The following INO80D variants were observed in gnomAD, a reference collection of about 807,000 sequenced individuals.
The protein encoded by INO80D is INO80 complex subunit D.
In INO80D, 21 loss-of-function variants were observed where a neutral mutation model predicts 87.6. That is an observed-to-expected ratio of 0.24 (90% CI 0.17 to 0.35). The LOEUF is 0.35. Ranked by LOEUF, INO80D falls within the 10% of genes least tolerant of loss-of-function variation. INO80D has a pLI of 1.00. For synonymous variants in INO80D, 440 were observed against 491.0 expected (o/e 0.90, Z 1.37); for missense variants, 982 against 1,280.7 (o/e 0.77, Z 3.56).
chr2:206,004,482 A>G lies in INO80D; in HGVS notation c.2970T>C (p.Pro990=), dbSNP rs1488476100. 1 of 1,607,990 alleles carries G rather than the reference A, an allele frequency of 6.2e-7. No individual in the cohort carries two copies. The highest frequency in any genetic ancestry group is 1.7e-5 in the Admixed American group (1 of 58,938). Residue 990 remains proline (P), a synonymous_variant, in exon 11 of 11, where the codon CCT becomes CCC. Coordinates refer to ENST00000403263, the MANE Select transcript of INO80D (RefSeq NM_017759.5). The surrounding 1 kb of genome is among the most constrained non-coding windows in gnomAD (Gnocchi z 4.9). ...AGCTGTGGCTGGGCTGCAGGTCCTTAGGAATGCCACTGTGAGAACTCAGCT... is the reference window on the plus strand; with the variant it reads ...AGCTGTGGCTGGGCTGCAGGTCCTTGGGAATGCCACTGTGAGAACTCAGCT... ...GHQLSSHSGI[P]KDLQPSHSSI... is the part of the protein sequence containing the mutation.
intron 4 of INO80D, among the ~76,000 whole-genome samples, chr2:206,048,801 G>A (rs539497512): frequency 6.6e-6 from 1 of 152,326 alleles, no homozygotes; most frequent in Non-Finnish European, 1.5e-5. Flanking sequence ...GACTGAGGCA[G>A]GAGGATCGAC....
At chr2:206,057,856 C>T (rs1300108787) in intron 3 of INO80D, among the ~76,000 whole-genome samples, 1 of 151,054 alleles carries the variant, frequency 6.6e-6, no homozygotes, top group Non-Finnish European at 1.5e-5. Context: ...TTATAGAATT[C>T]ACCAGTGATG....
chr2:206,019,457 A>G (rs1688402262), intron 7 of INO80D, among the ~76,000 whole-genome samples: 1 of 152,188 alleles, frequency 6.6e-6, no homozygotes, highest in Non-Finnish European at 1.5e-5. Context: ...GCTACTAGGA[A>G]CCACCTGAGG....
At chr2:206,012,867 C>CAA (rs71035432) in intron 8 of INO80D, among the ~76,000 whole-genome samples, 9,197 of 85,554 alleles carry the variant, frequency 0.11, 536 homozygotes, top group Admixed American at 0.22. Flanking sequence ...AGACTTGTCT[C>CAA]AAAAAAAAAA....
Position 206,029,592 on chromosome 2 carries a change from T to C in INO80D, c.1074-1257A>G, listed in dbSNP as rs563160606. On this transcript the variant is annotated intron_variant, in intron 5 of 10. Transcript: ENST00000403263. ...GCTGGGTTTCTCTTAAGTGATATTA[T>C]TCTTCTTTCCTTCAGCATAGTCTAT... Among the ~76,000 whole-genome samples the C allele has an allele frequency of 1.9e-3, 256 of 132,808 alleles. 1 individual carries two copies. The highest frequency in any genetic ancestry group is 5.9e-3 in the African/African-American group (235 of 40,134). 87.1% of individuals were successfully genotyped at this position (132,808 alleles called of 152,430 possible).
At chr2:206,015,648 G>A (rs772208040) in intron 8 of INO80D, among the ~76,000 whole-genome samples, 3 of 152,322 alleles carry the variant, frequency 2.0e-5, no homozygotes, top group Non-Finnish European at 2.9e-5. Context: ...ACTATGGGAG[G>A]CTGAGGCGGG....
intron 5 of INO80D, among the ~76,000 whole-genome samples, chr2:206,042,487 GC>G (rs1689075160): frequency 6.6e-6 from 1 of 151,920 alleles, no homozygotes; most frequent in Admixed American, 6.6e-5. Flanking sequence ...TTTGAGACCA[GC>G]CTGGCCAACA....
intron 3 of INO80D, among the ~76,000 whole-genome samples, chr2:206,058,596 A>G (rs991759195): frequency 6.6e-6 from 1 of 151,646 alleles, no homozygotes; most frequent in Non-Finnish European, 1.5e-5. Context: ...TCAGCCAGAT[A>G]TGATGGTAGA....
At chr2:206,047,133 G>T (rs1034433078) in intron 4 of INO80D, among the ~76,000 whole-genome samples, 1 of 152,104 alleles carries the variant, frequency 6.6e-6, no homozygotes, top group Non-Finnish European at 1.5e-5. Context: ...ATATTCCACA[G>T]ATGAACTTCT....
At chr2:206,045,374 A>G (rs1017412447) in intron 5 of INO80D, among the ~76,000 whole-genome samples, 2 of 152,226 alleles carry the variant, frequency 1.3e-5, no homozygotes, top group South Asian at 2.1e-4. Flanking sequence ...ACCATCACAG[A>G]TAGCTGATCT....
At chr2:206,060,605 G>C (rs530791608) in intron 3 of INO80D, among the ~76,000 whole-genome samples, 2 of 149,978 alleles carry the variant, frequency 1.3e-5, no homozygotes, top group African/African-American at 4.9e-5. Flanking sequence ...TTGTTGCCCA[G>C]GCTGGAGTGC....
intron 4 of INO80D, among the ~76,000 whole-genome samples, chr2:206,047,114 G>C (rs1479600020): frequency 6.6e-6 from 1 of 151,936 alleles, no homozygotes; most frequent in Non-Finnish European, 1.5e-5. Context: ...ACAACAAAAA[G>C]GCTAAGCTAT....
rs546585015 is a variant in INO80D, at chr2:206,007,200, G to A, written c.1918+84C>T. 1.7e-5 allele frequency: 20 copies of A among 1,209,722 alleles called. No individual in the cohort carries two copies. The South Asian group carries it at 2.7e-4, about 16-fold the overall frequency. 74.9% of individuals were successfully genotyped at this position (1,209,722 alleles called of 1,614,324 possible). A position where few individuals can be genotyped will look rare whatever the true frequency, so the allele number is the denominator to read the frequency against. On this transcript the variant is annotated intron_variant, in intron 10 of 10. Transcript: ENST00000403263. ...AGACATTACATGTGAGGAGGAATAT[G>A]ATAAACACATCTCAAAACACTATTT...
intron 9 of INO80D, among the ~76,000 whole-genome samples, chr2:206,008,512 A>G (rs1369935884): frequency 6.8e-6 from 1 of 146,192 alleles, no homozygotes; most frequent in South Asian, 2.2e-4. Flanking sequence ...AACTCCTGAC[A>G]TCATGATCCA....
chr2:206,057,291 C>T (rs1689550944), intron 3 of INO80D, among the ~76,000 whole-genome samples: 1 of 152,156 alleles, frequency 6.6e-6, no homozygotes, highest in Admixed American at 6.5e-5. Context: ...TAAAAGATCA[C>T]TTAAAATTCT....
chr2:206,016,172 C>G (rs1688314263), intron 8 of INO80D, among the ~76,000 whole-genome samples: 2 of 151,462 alleles, frequency 1.3e-5, no homozygotes, highest in South Asian at 4.2e-4. Flanking sequence ...GGGGCTATAC[C>G]CTGCAAAGTC....
At chr2:206,083,725 C>A (rs561554832) in intron 1 of INO80D, among the ~76,000 whole-genome samples, 1 of 152,200 alleles carries the variant, frequency 6.6e-6, no homozygotes, top group South Asian at 2.1e-4. Context: ...CATTGCCCTG[C>A]AAGTGGTAGC....
At chr2:206,042,204 T>C (rs1387862743) in intron 5 of INO80D, among the ~76,000 whole-genome samples, 3 of 152,016 alleles carry the variant, frequency 2.0e-5, no homozygotes, top group Non-Finnish European at 4.4e-5. Flanking sequence ...CAACCAGTGT[T>C]TAGAGGGAAG....
At position 206,017,816 on chromosome 2, in the gene INO80D, G is replaced by A; in HGVS notation, c.1409-3C>T. 1 of 1,594,092 alleles carries A rather than the reference G, an allele frequency of 6.3e-7. No homozygotes were observed. Among genetic ancestry groups the A allele is most frequent in the African/African-American group, 1.4e-5 (1 of 73,724 alleles). On this transcript the variant is annotated splice_region_variant and splice_polypyrimidine_tract_variant and intron_variant, in intron 7 of 10. Transcript: ENST00000403263. ...CTGAGAGTGGTTCAAGAGGATATCT[G>A]GGTTTTTTTAAGTTAGGAGTAAAAT... is the stretch of plus-strand genomic sequence containing the variant.
Sources: gnomAD v4.1 joint callset for allele counts (sites outside exome capture counted in the v4.1 genomes callset) on GRCh38, gnomAD v4.1.1 for gene constraint, Gnocchi (gnomAD v3.1) non-coding constraint, MANE v1.5 for transcripts, NCBI Gene and HGNC (gene_info 2026-07-23, HGNC 2026-07-21) for gene names.